The following GPC5 variants were observed in gnomAD, a reference collection of about 807,000 sequenced individuals.
GPC5 encodes glypican 5, also known as glypican-5.
In GPC5, 47 loss-of-function variants were observed where a neutral mutation model predicts 53.9. That is an observed-to-expected ratio of 0.87 (90% CI 0.69 to 1.11). The LOEUF is 1.11. GPC5 is among the 50% of genes most tolerant of loss of function. The pLI is 0.00. For synonymous variants in GPC5, 286 were observed against 263.3 expected, an observed-to-expected ratio of 1.09 and a Z score of -0.84; for missense variants, 748 against 713.1, an observed-to-expected ratio of 1.05 and a Z score of -0.56.
At chr13:91,715,015 G>A (rs573127015) in intron 3 of GPC5, among the ~76,000 whole-genome samples, 19 of 152,316 alleles carry the variant, frequency 1.2e-4, no homozygotes, top group Middle Eastern at 3.4e-3. Context: ...TGTAAGTCGT[G>A]TTTATACCTA....
intron 2 of GPC5, among the ~76,000 whole-genome samples, chr13:91,495,729 G>A (rs1019536704): frequency 6.6e-6 from 1 of 152,208 alleles, no homozygotes; most frequent in African/African-American, 2.4e-5. Flanking sequence ...AACAAACACT[G>A]ATAACAAATG....
intron 2 of GPC5, among the ~76,000 whole-genome samples, chr13:91,638,164 A>G (rs2139465178): frequency 6.6e-6 from 1 of 152,326 alleles, no homozygotes; most frequent in African/African-American, 2.4e-5. Flanking sequence ...CTGCTCACCT[A>G]GAAACCAGGT....
At chr13:91,580,565 T>C (rs1247810875) in intron 2 of GPC5, among the ~76,000 whole-genome samples, 1 of 152,196 alleles carries the variant, frequency 6.6e-6, no homozygotes, top group Non-Finnish European at 1.5e-5. Context: ...CCTCTTCCAC[T>C]TTACTTACAT....
At chr13:92,837,413 G>A (rs1339539996) in intron 7 of GPC5, among the ~76,000 whole-genome samples, 4 of 152,022 alleles carry the variant, frequency 2.6e-5, no homozygotes, top group Non-Finnish European at 4.4e-5. Context: ...TTCAGACAGG[G>A]GAAGGTCTTA....
chr13:91,511,759 C>T (rs987841934), intron 2 of GPC5, among the ~76,000 whole-genome samples: 5 of 151,560 alleles, frequency 3.3e-5, no homozygotes, highest in African/African-American at 1.2e-4. Context: ...TGCATGTTAT[C>T]TACCCTTTCT....
intron 5 of GPC5, among the ~76,000 whole-genome samples, chr13:91,877,865 G>A (rs913311969): frequency 3.3e-5 from 5 of 152,128 alleles, no homozygotes; most frequent in Admixed American, 1.3e-4. Flanking sequence ...GTTGTGGGAG[G>A]GACCCAGGGA....
At chr13:92,796,279 G>T (rs140251178) in intron 7 of GPC5, among the ~76,000 whole-genome samples, 5 of 151,946 alleles carry the variant, frequency 3.3e-5, no homozygotes, top group Non-Finnish European at 7.4e-5. Context: ...ACCAAATACC[G>T]CATGTTCTCA....
chr13:91,755,112 T>A (rs2037261537), intron 4 of GPC5, among the ~76,000 whole-genome samples: 1 of 152,046 alleles, frequency 6.6e-6, no homozygotes, highest in South Asian at 2.1e-4. Context: ...CATAGCAAGA[T>A]ATCATCTCTA....
At chr13:92,277,216 G>A (rs375737344) in intron 7 of GPC5, among the ~76,000 whole-genome samples, 1 of 151,922 alleles carries the variant, frequency 6.6e-6, no homozygotes, top group Middle Eastern at 3.4e-3. Context: ...ACCCACCATG[G>A]GTCTGGGAAC....
rs546939341 is a variant in GPC5 at position 92,800,130 on chromosome 13, C to T, written c.1562-66152C>T. 1.1e-3 allele frequency among the ~76,000 whole-genome samples: 164 copies of T among 151,950 alleles called. 1 individual carries two copies. The highest frequency in any genetic ancestry group is 1.1e-3 in the Non-Finnish European group (76 of 67,884). The stretch of plus-strand genomic sequence containing the variant: ...AAGTATTTGGTTTGCATGTTCAAAG[C>T]TCCCAAACTTCTGACACACACAGCC... On this transcript the variant is annotated intron_variant, in intron 7 of 7. Coordinates refer to ENST00000377067, the MANE Select transcript of GPC5 (RefSeq NM_004466.6).
chr13:91,670,178 A>G (rs2035211901), intron 2 of GPC5, among the ~76,000 whole-genome samples: 2 of 152,142 alleles, frequency 1.3e-5, no homozygotes, highest in South Asian at 4.1e-4. Flanking sequence ...CTAGATACAG[A>G]GCTTTAAATG....
chr13:92,576,265 G>C (rs1883187933), intron 7 of GPC5, among the ~76,000 whole-genome samples: 1 of 152,160 alleles, frequency 6.6e-6, no homozygotes, highest in African/African-American at 2.4e-5. Context: ...GCAGTGATCT[G>C]TTACTGCCAG....
chr13:92,488,957 G>C (rs1188415517), intron 7 of GPC5, among the ~76,000 whole-genome samples: 1 of 152,128 alleles, frequency 6.6e-6, no homozygotes, highest in Non-Finnish European at 1.5e-5. Context: ...AATTTCAGGG[G>C]AATGGTTTCA....
intron 2 of GPC5, among the ~76,000 whole-genome samples, chr13:91,480,301 C>A (rs1227826358): frequency 6.6e-6 from 1 of 152,194 alleles, no homozygotes; most frequent in East Asian, 1.9e-4. Context: ...ATTACTTTTG[C>A]AGTATGTAGA....
intron 6 of GPC5, among the ~76,000 whole-genome samples, chr13:92,114,313 A>G (rs1381330012): frequency 6.6e-6 from 1 of 152,066 alleles, no homozygotes; most frequent in Non-Finnish European, 1.5e-5. Flanking sequence ...ACACACAGGC[A>G]CACACACATA....
chr13:92,264,885 T>C (rs1197515757), intron 7 of GPC5, among the ~76,000 whole-genome samples: 2 of 58,772 alleles, frequency 3.4e-5, no homozygotes, highest in Admixed American at 3.0e-4. Flanking sequence ...TCTCTGTGTG[T>C]GTGTGTGTGT....
chr13:91,502,063 T>A (rs1045615673), intron 2 of GPC5, among the ~76,000 whole-genome samples: 7 of 152,312 alleles, frequency 4.6e-5, no homozygotes, highest in East Asian at 1.9e-4. Context: ...GTGTCTGTTC[T>A]TATCCTTTGC....
At chr13:92,524,793 C>G (rs1040464316) in intron 7 of GPC5, among the ~76,000 whole-genome samples, 1 of 152,042 alleles carries the variant, frequency 6.6e-6, no homozygotes, top group Non-Finnish European at 1.5e-5. Flanking sequence ...AGGTAGACAT[C>G]ATTAACAGTC....
At chr13:91,514,779 A>G (rs7338550) in intron 2 of GPC5, among the ~76,000 whole-genome samples, 2,082 of 152,194 alleles carry the variant, frequency 0.014, 45 homozygotes, top group African/African-American at 0.044. Context: ...TTTCTTTTGT[A>G]ACTCCTCTTA....
Sources: allele counts gnomAD v4.1 joint callset (sites outside exome capture counted in the v4.1 genomes callset), GRCh38; gene constraint gnomAD v4.1.1; transcripts MANE v1.5; gene names NCBI Gene and HGNC (gene_info 2026-07-23, HGNC 2026-07-21).